The following ERMAP variants were observed in gnomAD, a reference collection of about 807,000 sequenced individuals.
ERMAP encodes erythroid membrane-associated protein.
ERMAP carries 34 observed loss-of-function variants against 49.5 expected under a neutral mutation model. The ratio of observed to expected loss-of-function variants is 0.69; its 90% CI spans 0.52 to 0.91. The LOEUF is 0.91. ERMAP is among the 40% of genes least tolerant of loss of function. The pLI, the probability that ERMAP is intolerant of heterozygous loss-of-function variation, is 0.00. For missense variants in ERMAP, 541 were observed against 582.6 expected (o/e 0.93, Z 0.74); for synonymous variants, 214 against 232.2 (o/e 0.92, Z 0.71).
chr1:42,825,739 G>A lies in ERMAP; in HGVS notation c.-6+1G>A. 7.8e-7 allele frequency: 1 copy of A among 1,289,374 alleles called. No homozygotes were observed. Among genetic ancestry groups the A allele is most frequent in the Non-Finnish European group, 1.0e-6 (1 of 988,872 alleles). 79.9% of individuals were successfully genotyped at this position (1,289,374 alleles called of 1,614,324 possible). A position where few individuals can be genotyped will look rare whatever the true frequency, so the allele number is the denominator to read the frequency against. ...ACAAGCGTCCCTGATCCAGAAGGTGGTGAGTCCTCCTCTCTCTCTTCATGC... is the reference window on the plus strand; with the variant it reads ...ACAAGCGTCCCTGATCCAGAAGGTGATGAGTCCTCCTCTCTCTCTTCATGC... On this transcript the variant is annotated splice_donor_variant, in intron 2 of 11. Transcript: ENST00000372517. LOFTEE classifies it low-confidence loss of function (5UTR_SPLICE).
At chr1:42,831,555 GTTTTTTTTTTTTTTTTTCTCTT>G (rs1654731620) in intron 4 of ERMAP, among the ~76,000 whole-genome samples, 2 of 41,952 alleles carry the variant, frequency 4.8e-5, no homozygotes, top group African/African-American at 1.0e-4. Flanking sequence ...GAGAGATAGT[GTTTTTTTTTTTTTTTTTCTCTT>G]TTTTTTTTTT....
intron 2 of ERMAP, among the ~76,000 whole-genome samples, chr1:42,826,252 G>A (rs34062962): frequency 0.012 from 1,818 of 152,086 alleles, 49 homozygotes; most frequent in African/African-American, 0.041. Flanking sequence ...ATAGATAAAC[G>A]AGCAAATTAC....
chr1:42,825,366 A>G, intron 1 of ERMAP: 2 of 569,662 alleles, frequency 3.5e-6, no homozygotes, highest in Non-Finnish European at 4.4e-6. Context: ...AAAACGCATC[A>G]GAGGGAATTA....
chr1:42,825,600 C>T, intron 1 of ERMAP, 23 bp from the exon 2 acceptor site: 1 of 1,276,840 alleles, frequency 7.8e-7, no homozygotes, highest in Non-Finnish European at 1.0e-6. Flanking sequence ...AAAATATGAA[C>T]TTTTCCCGGC....
Position 42,840,180 on chromosome 1 carries a change from T to C in ERMAP, c.685+2T>C. 3 of 1,614,200 alleles carry C rather than the reference T, an allele frequency of 1.9e-6. No homozygotes were observed. The highest frequency in any genetic ancestry group is 2.5e-6 in the Non-Finnish European group (3 of 1,180,028). ...TGAAAAGAGCTGCAGCAAACTCAGG[T>C]GAGATGCACTTTCTCCACATTTGAC... On this transcript the variant is annotated splice_donor_variant, in intron 10 of 11. Coordinates refer to ENST00000372517, the MANE Select transcript of ERMAP (RefSeq NM_001017922.2). LOFTEE classifies it high-confidence loss of function.
intron 6 of ERMAP, 27 bp from the exon 7 acceptor site, chr1:42,837,131 T>A: frequency 6.2e-7 from 1 of 1,613,666 alleles, no homozygotes; most frequent in Non-Finnish European, 8.5e-7. Flanking sequence ...GCAAAAAATC[T>A]CATTATCTTT....
intron 4 of ERMAP, 38 bp from the exon 5 acceptor site, chr1:42,835,000 A>G: frequency 2.4e-6 from 2 of 850,252 alleles, no homozygotes; most frequent in Non-Finnish European, 4.1e-6. Flanking sequence ...GCTCTTAGAC[A>G]TCTCCCTGAG....
In ERMAP at chr1:42,825,591, A is replaced by C. The variant is rs1014421171; in HGVS notation, c.-121-32A>C. ...GAGCCCTGGCCTCTCATATTTCATA[A>C]AATATGAACTTTTCCCGGCCCACAT... On this transcript the variant is annotated intron_variant, in intron 1 of 11. Transcript: ENST00000372517. The C allele has an allele frequency of 2.4e-5, 30 of 1,271,422 alleles. No homozygotes were observed. In the Admixed American group the frequency reaches 7.4e-4, roughly 32 times the overall value. The allele number at this position is 1,271,422 out of a possible 1,614,324, so 78.8% of individuals were successfully genotyped here.
intron 2 of ERMAP, among the ~76,000 whole-genome samples, chr1:42,828,962 A>G (rs1262884211): frequency 2.0e-5 from 3 of 152,144 alleles, no homozygotes; most frequent in Non-Finnish European, 4.4e-5. Context: ...TAGAAAGTTG[A>G]GGGGTTTTGG....
At chr1:42,831,571 T>TTTTTTC (rs1553149742) in intron 4 of ERMAP, among the ~76,000 whole-genome samples, 6 of 79,908 alleles carry the variant, frequency 7.5e-5, no homozygotes, top group Admixed American at 1.6e-4. Flanking sequence ...TTTTTTTTTT[T>TTTTTTC]TCTCTTTTTT....
Position 42,842,622 on chromosome 1 carries a change from C to T in ERMAP, c.818C>T (p.Pro273Leu). The T allele has an allele frequency of 6.2e-7, 1 of 1,614,150 alleles. No homozygotes were observed. Among genetic ancestry groups the T allele is most frequent in the Non-Finnish European group, 8.5e-7 (1 of 1,180,030 alleles). Residue 273 changes from proline to leucine, a missense_variant, in exon 12 of 12, where the codon CCC (proline) becomes CTC (leucine). Transcript: ENST00000372517. ...GDRRQPVPDN[P>L]QRFDFVVSIL... is the part of the protein sequence containing the mutation. Reference sequence around the variant, plus strand: ...AGACGGCAGCCTGTACCTGACAACCCCCAGAGATTTGATTTCGTTGTCAGC... The same window carrying T: ...AGACGGCAGCCTGTACCTGACAACCTCCAGAGATTTGATTTCGTTGTCAGC...
At chr1:42,834,009 T>A (rs1654823353) in intron 4 of ERMAP, among the ~76,000 whole-genome samples, 2 of 152,236 alleles carry the variant, frequency 1.3e-5, no homozygotes, top group Non-Finnish European at 2.9e-5. Flanking sequence ...TTTATATGAC[T>A]GACCTCTTTA....
chr1:42,836,452 G>A (rs1654896743), intron 6 of ERMAP, among the ~76,000 whole-genome samples: 1 of 152,162 alleles, frequency 6.6e-6, no homozygotes, highest in Non-Finnish European at 1.5e-5. Context: ...AGGCTGGGGA[G>A]TGAGGCGGAG....
At chr1:42,834,012 C>T (rs1472609107) in intron 4 of ERMAP, among the ~76,000 whole-genome samples, 1 of 152,200 alleles carries the variant, frequency 6.6e-6, no homozygotes, top group Non-Finnish European at 1.5e-5. Flanking sequence ...ATATGACTGA[C>T]CTCTTTAAAT....
intron 9 of ERMAP, 47 bp downstream of exon 9, chr1:42,840,100 T>C (rs773126339): frequency 6.2e-7 from 1 of 1,614,238 alleles, no homozygotes; most frequent in Non-Finnish European, 8.5e-7. Context: ...TTATCTCCTG[T>C]TGCCCTAATA....
chr1:42,836,938 C>A, intron 6 of ERMAP: 1 of 414,482 alleles, frequency 2.4e-6, no homozygotes. Flanking sequence ...TTCTCTCAGG[C>A]TGCAGAGTTT....
chr1:42,844,764 C>T lies in ERMAP; in HGVS notation c.*1532C>T, dbSNP rs925258225. ...GGCCTTCAACTGATTCAGCAAGGCC[C>T]GCCCACATTTGGGAGGACAGTCTGC... On this transcript the variant is annotated 3_prime_UTR_variant, in exon 12 of 12. Coordinates refer to ENST00000372517, the MANE Select transcript of ERMAP (RefSeq NM_001017922.2). This position sits in a 1 kb window ranked among gnomAD's most constrained non-coding sequence, Gnocchi z 4.0. The T allele has an allele frequency of 3.3e-5, 5 of 152,188 alleles. No homozygotes were observed. The highest frequency in any genetic ancestry group is 3.8e-4 in the East Asian group (2 of 5,196). The allele number at this position is 152,188 out of a possible 1,614,324, so 9.4% of individuals were successfully genotyped here.
chr1:42,839,090 T>C lies in ERMAP; in HGVS notation c.637+169T>C. On this transcript the variant is annotated intron_variant, in intron 8 of 11. Coordinates refer to ENST00000372517, the MANE Select transcript of ERMAP (RefSeq NM_001017922.2). ...CAAAGGCCTCTTTTCTCAAGTATTCTCTGCTCCTCTTTCCTGCACAACTAT... is the reference window on the plus strand; with the variant it reads ...CAAAGGCCTCTTTTCTCAAGTATTCCCTGCTCCTCTTTCCTGCACAACTAT... 3 of 927,378 alleles carry C rather than the reference T, an allele frequency of 3.2e-6. No individual in the cohort carries two copies. The South Asian group carries it at 4.1e-5, about 13-fold the overall frequency. The allele number at this position is 927,378 out of a possible 1,614,324, so 57.4% of individuals were successfully genotyped here. A position where few individuals can be genotyped will look rare whatever the true frequency, so the allele number is the denominator to read the frequency against.
chr1:42,839,909 G>T, intron 8 of ERMAP, 124 bp from the exon 9 acceptor site: 1 of 962,814 alleles, frequency 1.0e-6, no homozygotes, highest in South Asian at 1.4e-5. Context: ...CTCTTCTGGG[G>T]AAGTTCCAGG....
Sources: allele counts gnomAD v4.1 joint callset (sites outside exome capture counted in the v4.1 genomes callset), GRCh38; gene constraint gnomAD v4.1.1; non-coding constraint Gnocchi (gnomAD v3.1); transcripts MANE v1.5; gene names NCBI Gene and HGNC (gene_info 2026-07-23, HGNC 2026-07-21).